The following RBM8A variants were observed in gnomAD, a reference collection of about 807,000 sequenced individuals.
The protein encoded by RBM8A is RNA binding motif protein 8A, also known as RNA-binding protein 8A.
A neutral mutation model predicts 25.1 loss-of-function variants in RBM8A; 8 were observed. That is an observed-to-expected ratio of 0.32 (90% CI 0.19 to 0.58). RBM8A has a LOEUF of 0.58. Ranked by LOEUF, RBM8A falls within the 20% of genes least tolerant of loss-of-function variation. RBM8A has a pLI of 0.88. For missense variants in RBM8A, 114 were observed against 236.8 expected, an observed-to-expected ratio of 0.48 and a Z score of 3.40; for synonymous variants, 66 against 80.0, an observed-to-expected ratio of 0.82 and a Z score of 0.94.
intron 3 of RBM8A, 80 bp from the exon 4 acceptor site, chr1:145,926,698 C>A: frequency 6.2e-7 from 1 of 1,612,666 alleles, no homozygotes; most frequent in Non-Finnish European, 8.5e-7. Context: ...TGAGTGCGGA[C>A]TCAGATTGTT....
intron 1 of RBM8A, 134 bp downstream of exon 1, chr1:145,927,226 G>A: frequency 6.9e-7 from 1 of 1,452,344 alleles, no homozygotes; most frequent in South Asian, 1.2e-5. Flanking sequence ...TGAAGGGGGC[G>A]GAATCTCTAA....
In RBM8A at chr1:145,926,585, A is replaced by G. The variant is rs782423323; in HGVS notation, c.239T>C (p.Val80Ala). ...VEGWILFVTGVHEEATEEDIH... is the reference protein window; with the variant it reads ...VEGWILFVTGAHEEATEEDIH... ...GTCTTCTTCGGTGGCTTCCTCATGG[A>G]CTCCAGTTACAAAGAGAATCCAGCC... Residue 80 changes from valine (V) to alanine (A), a missense_variant, in exon 4 of 6, where the codon GTC becomes GCC. Physicochemically the swap from Val to Ala is moderately conservative, Grantham distance 64. Transcript: ENST00000583313. 1.9e-6 allele frequency: 3 copies of G among 1,613,484 alleles called. No homozygotes were observed. Among genetic ancestry groups the G allele is most frequent in the Non-Finnish European group, 2.5e-6 (3 of 1,179,814 alleles).
chr1:145,925,878 C>A lies in RBM8A; in HGVS notation c.*4G>T. The stretch of plus-strand genomic sequence containing the variant: ...AAGAGAACACCTGGACAACAGAGGA[C>A]CTGTCAGCGACGTCTCCGGTCTGGA... On this transcript the variant is annotated 3_prime_UTR_variant, in exon 6 of 6. Coordinates refer to ENST00000583313, the MANE Select transcript of RBM8A (RefSeq NM_005105.5). 1 of 1,613,162 alleles carries A rather than the reference C, an allele frequency of 6.2e-7. No individual in the cohort carries two copies. The highest frequency in any genetic ancestry group is 8.5e-7 in the Non-Finnish European group (1 of 1,179,646).
Position 145,926,346 on chromosome 1 carries a change from C to T in RBM8A, c.342+136G>A, listed in dbSNP as rs587700853. Reference sequence around the variant, plus strand: ...ATCATCTCCGTTTCTGTCTCTTTGGCGTGTCTGACAAAACATAGATTTCCA... The same window carrying T: ...ATCATCTCCGTTTCTGTCTCTTTGGTGTGTCTGACAAAACATAGATTTCCA... On this transcript the variant is annotated intron_variant, in intron 4 of 5. Transcript: ENST00000583313. The T allele has an allele frequency of 6.9e-6, 10 of 1,459,826 alleles. 1 individual carries two copies. Among genetic ancestry groups the T allele is most frequent in the Middle Eastern group, 3.6e-4 (2 of 5,508 alleles). 90.4% of individuals were successfully genotyped at this position (1,459,826 alleles called of 1,614,324 possible).
chr1:145,926,262 G>A, intron 4 of RBM8A, 85 bp from the exon 5 acceptor site: 1 of 1,550,786 alleles, frequency 6.4e-7, no homozygotes, highest in Non-Finnish European at 8.8e-7. Context: ...TCTAAACTCA[G>A]AAAAATCTAC....
intron 1 of RBM8A, 101 bp downstream of exon 1, chr1:145,927,259 G>T: frequency 6.7e-7 from 1 of 1,485,816 alleles, no homozygotes; most frequent in Non-Finnish European, 9.2e-7. Context: ...CCGGTTCCTC[G>T]ATTCCCATCC....
chr1:145,927,160 G>T, intron 1 of RBM8A, 83 bp from the exon 2 acceptor site: 1 of 1,554,718 alleles, frequency 6.4e-7, no homozygotes, highest in African/African-American at 1.4e-5. Context: ...CTACCAGCAA[G>T]CCGACCCACA....
At position 145,923,070 on chromosome 1, in the gene RBM8A, C is replaced by A. The variant is rs1647885019; in HGVS notation, c.*2812G>T. On this transcript the variant is annotated 3_prime_UTR_variant, in exon 6 of 6. Transcript: ENST00000583313. ...CCGAGTTCCCAAGTAGCTGGGACTACAGGCACCTACCACCACGCCCGGCTA... is the reference window on the plus strand; with the variant it reads ...CCGAGTTCCCAAGTAGCTGGGACTAAAGGCACCTACCACCACGCCCGGCTA... The A allele has an allele frequency of 6.6e-6, 1 of 152,072 alleles. No individual in the cohort carries two copies. Among genetic ancestry groups the A allele is most frequent in the Admixed American group, 6.6e-5 (1 of 15,260 alleles). 9.4% of individuals were successfully genotyped at this position (152,072 alleles called of 1,614,324 possible).
rs587762838 is a variant in RBM8A, at chr1:145,923,107, C to G, written c.*2775G>C. On this transcript the variant is annotated 3_prime_UTR_variant, in exon 6 of 6. Coordinates refer to ENST00000583313, the MANE Select transcript of RBM8A (RefSeq NM_005105.5). The stretch of plus-strand genomic sequence containing the variant: ...ACCACGCCCGGCTAGTTTTTTGTAT[C>G]TTTAGTACAGACAGGGTTTCACTGT... 1 of 151,908 alleles carries G rather than the reference C, an allele frequency of 6.6e-6. No individual in the cohort carries two copies. The highest frequency in any genetic ancestry group is 1.5e-5 in the Non-Finnish European group (1 of 68,024). The allele number at this position is 151,908 out of a possible 1,614,324, so 9.4% of individuals were successfully genotyped here. A position where few individuals can be genotyped will look rare whatever the true frequency, so the allele number is the denominator to read the frequency against.
intron 4 of RBM8A, 141 bp downstream of exon 4, chr1:145,926,341 T>C (rs1648156120): frequency 2.7e-6 from 4 of 1,460,970 alleles, no homozygotes; most frequent in African/African-American, 2.8e-5. Flanking sequence ...TTTCTGTCTC[T>C]TTGGCGTGTC....
rs112979084 is a variant in RBM8A at position 145,922,379 on chromosome 1, A to G, written c.*3503T>C. On this transcript the variant is annotated 3_prime_UTR_variant, in exon 6 of 6. Transcript: ENST00000583313. ...AAATTTTACATGTGGACTGGGAATT[A>G]GAAGACTTTTTGTTTCAGTCTGCCT... is the stretch of plus-strand genomic sequence containing the variant. The G allele has an allele frequency of 8.5e-5, 13 of 152,382 alleles. No homozygotes were observed. Among genetic ancestry groups the G allele is most frequent in the African/African-American group, 2.2e-4 (9 of 41,596 alleles). The allele number at this position is 152,382 out of a possible 1,614,324, so 9.4% of individuals were successfully genotyped here. A position where few individuals can be genotyped will look rare whatever the true frequency, so the allele number is the denominator to read the frequency against.
chr1:145,926,097 T>C lies in RBM8A; in HGVS notation c.423A>G (p.Gly141=), dbSNP rs782487248. 24 of 1,614,226 alleles carry C rather than the reference T, an allele frequency of 1.5e-5. No homozygotes were observed. The highest frequency in any genetic ancestry group is 2.2e-5 in the South Asian group (2 of 91,086). ...MEGLNGQDLM[G]QPISVDWCFV... is the part of the protein sequence containing the mutation. ...AACACCAGTCAACGCTGATGGGCTG[T>C]CCCATCAAATCCTGGCCATTGAGTC... Residue 141 remains glycine, a synonymous_variant, in exon 5 of 6, where the codon GGA becomes GGG. Transcript: ENST00000583313.
chr1:145,924,226 C>A lies in RBM8A; in HGVS notation c.*1656G>T, dbSNP rs1553755411. Reference sequence around the variant, plus strand: ...CTCAGTGTGTCACCAAAGGCAGCTTCAAGGCTCAATGGCAAGAGACCACCT... The same window carrying A: ...CTCAGTGTGTCACCAAAGGCAGCTTAAAGGCTCAATGGCAAGAGACCACCT... On this transcript the variant is annotated 3_prime_UTR_variant, in exon 6 of 6. Coordinates refer to ENST00000583313, the MANE Select transcript of RBM8A (RefSeq NM_005105.5). 2 of 660,642 alleles carry A rather than the reference C, an allele frequency of 3.0e-6. No homozygotes were observed. Among genetic ancestry groups the A allele is most frequent in the South Asian group, 3.0e-5 (2 of 66,182 alleles). 40.9% of individuals were successfully genotyped at this position (660,642 alleles called of 1,614,324 possible).
chr1:145,926,642 G>A (rs782097986), intron 3 of RBM8A, 24 bp from the exon 4 acceptor site: 1 of 1,613,570 alleles, frequency 6.2e-7, no homozygotes. Flanking sequence ...GGGGGAAGTT[G>A]TATGAGTACA....
rs199817292 is a variant in RBM8A at position 145,924,193 on chromosome 1, C to A, written c.*1689G>T. On this transcript the variant is annotated 3_prime_UTR_variant, in exon 6 of 6. Coordinates refer to ENST00000583313, the MANE Select transcript of RBM8A (RefSeq NM_005105.5). ...ACACGGTCCACTGAGCTGGCCCAGT[C>A]CCTTTCACTCAGTGTGTCACCAAAG... 568 of 690,272 alleles carry A rather than the reference C, an allele frequency of 8.2e-4. 8 individuals are homozygous for A. The highest frequency in any genetic ancestry group is 6.1e-3 in the South Asian group (407 of 66,452). 42.8% of individuals were successfully genotyped at this position (690,272 alleles called of 1,614,324 possible).
chr1:145,924,139 C>T lies in RBM8A; in HGVS notation c.*1743G>A, dbSNP rs1477732141. ...GTGAGGGGAACCAGTTCTAATAGTC[C>T]TCAACTCCACTCCAGCTGTTCCTGT... On this transcript the variant is annotated 3_prime_UTR_variant, in exon 6 of 6. Coordinates refer to ENST00000583313, the MANE Select transcript of RBM8A (RefSeq NM_005105.5). 2.1e-5 allele frequency: 15 copies of T among 710,500 alleles called. No homozygotes were observed. The highest frequency in any genetic ancestry group is 3.4e-5 in the Non-Finnish European group (13 of 381,098). 44.0% of individuals were successfully genotyped at this position (710,500 alleles called of 1,614,324 possible). A position where few individuals can be genotyped will look rare whatever the true frequency, so the allele number is the denominator to read the frequency against.
In RBM8A at chr1:145,926,630, CG is replaced by C. The variant is rs781830123; in HGVS notation, c.206-13del. ...CCAGCCTTCAACAGCTGTTGGGGGA[CG>C]GGGGGAAGTTGTATGAGTACATGAG... On this transcript the variant is annotated splice_polypyrimidine_tract_variant and intron_variant, in intron 3 of 5. Transcript: ENST00000583313. 2.9e-5 allele frequency: 47 copies of C among 1,613,574 alleles called. No homozygotes were observed. Among genetic ancestry groups the C allele is most frequent in the Admixed American group, 8.3e-5 (5 of 59,954 alleles).
chr1:145,925,775 G>T lies in RBM8A; in HGVS notation c.*107C>A. On this transcript the variant is annotated 3_prime_UTR_variant, in exon 6 of 6. Transcript: ENST00000583313. ...GCAACTCAAATACTACGCATATACG[G>T]TAAGAGATTAAATATAAACACAGCA... 1.5e-6 allele frequency: 2 copies of T among 1,320,256 alleles called. No homozygotes were observed. The highest frequency in any genetic ancestry group is 2.2e-6 in the Non-Finnish European group (2 of 922,496). The allele number at this position is 1,320,256 out of a possible 1,614,324, so 81.8% of individuals were successfully genotyped here. A position where few individuals can be genotyped will look rare whatever the true frequency, so the allele number is the denominator to read the frequency against.
chr1:145,926,113 C>G lies in RBM8A; in HGVS notation c.407G>C (p.Gly136Ala), dbSNP rs1200766056. 3 of 1,614,098 alleles carry G rather than the reference C, an allele frequency of 1.9e-6. No homozygotes were observed. In the East Asian group the frequency reaches 6.7e-5, roughly 36 times the overall value. ...EAQAAMEGLN[G>A]QDLMGQPISV... Reference sequence around the variant, plus strand: ...GATGGGCTGTCCCATCAAATCCTGGCCATTGAGTCCCTCCATAGCAGCCTG... The same window carrying G: ...GATGGGCTGTCCCATCAAATCCTGGGCATTGAGTCCCTCCATAGCAGCCTG... The change falls in exon 5 of 6, where the codon GGC becomes GCC. Residue 136 changes from glycine (G) to alanine (A), a missense_variant. By Grantham distance (60) the Gly-to-Ala change is moderately conservative. Coordinates refer to ENST00000583313, the MANE Select transcript of RBM8A (RefSeq NM_005105.5).
Sources: allele counts gnomAD v4.1 joint callset, GRCh38; gene constraint gnomAD v4.1.1; transcripts MANE v1.5; gene names NCBI Gene and HGNC (gene_info 2026-07-23, HGNC 2026-07-21).